The following MED12L variants were observed in gnomAD, a reference collection of about 807,000 sequenced individuals.
MED12L encodes mediator of RNA polymerase II transcription subunit 12-like protein.
A neutral mutation model predicts 281.3 loss-of-function variants in MED12L; 60 were observed. That is an observed-to-expected ratio of 0.21 (90% CI 0.17 to 0.26). The LOEUF is 0.26. MED12L is among the 10% of genes least tolerant of loss of function. MED12L has a pLI of 1.00. For synonymous variants in MED12L, 974 were observed against 987.2 expected (o/e 0.99, Z 0.25); for missense variants, 2,146 against 2,680.9 (o/e 0.80, Z 4.41).
rs539394676 is a variant in MED12L, at chr3:151,422,189, A to G, written c.6408+5767A>G. 3.9e-4 allele frequency among the ~76,000 whole-genome samples: 59 copies of G among 152,346 alleles called. No individual in the cohort carries two copies. In the East Asian group the frequency reaches 4.6e-3, roughly 12 times the overall value. ...TCATAGGAAGTGGCTCAATGGCAGC[A>G]CTGCCTGTGGAAAGTAGTTTACGGT... On this transcript the variant is annotated intron_variant, in intron 43 of 44. Transcript: ENST00000687756.
chr3:151,167,046 A>G (rs907258786), intron 11 of MED12L, among the ~76,000 whole-genome samples: 2 of 152,170 alleles, frequency 1.3e-5, no homozygotes, highest in African/African-American at 4.8e-5. Flanking sequence ...AATCTGCTTT[A>G]CTCAAAGTCT....
rs1162704968 is a variant in MED12L, at chr3:151,127,984, GGTAA to G, written c.556+3_556+6del. 6.2e-7 allele frequency: 1 copy of G among 1,610,672 alleles called. No individual in the cohort carries two copies. The stretch of plus-strand genomic sequence containing the variant: ...ACGTCAGGCTCCTGATCCGAATTTG[GGTAA>G]GTGAGAGAATACAATACACCTTACA... On this transcript the variant is annotated splice_donor_variant and splice_donor_region_variant and intron_variant, in intron 5 of 44. Coordinates refer to ENST00000687756, the MANE Select transcript of MED12L (RefSeq NM_001393769.1). LOFTEE classifies it high-confidence loss of function.
Position 151,382,687 on chromosome 3 carries a change from A to C in MED12L, c.4622A>C (p.Gln1541Pro), listed in dbSNP as rs753742161. The C allele has an allele frequency of 1.2e-6, 2 of 1,612,556 alleles. No homozygotes were observed. Among genetic ancestry groups the C allele is most frequent in the Non-Finnish European group, 1.7e-6 (2 of 1,179,276 alleles). ...AGTAACTGGAGAGAAGAACGATACC[A>C]AGATGACATAAAAGCGCGGCAGATG... is the stretch of plus-strand genomic sequence containing the variant. ...ILSNWREERY[Q>P]DDIKARQMMH... The change falls in exon 33 of 45, where the codon CAA becomes CCA. Residue 1541 changes from glutamine to proline, a missense_variant. Around this residue, in one of 9 missense-constraint regions of MED12L, gnomAD observed 212 missense variants for 340.8 expected, o/e 0.62. Coordinates refer to ENST00000687756, the MANE Select transcript of MED12L (RefSeq NM_001393769.1).
rs144247415 is a variant in MED12L, at chr3:151,376,222, G to A, written c.4053+8G>A. The A allele has an allele frequency of 5.1e-4, 747 of 1,452,314 alleles. 4 individuals are homozygous for A. The East Asian group carries it at 0.01, about 20-fold the overall frequency. The allele number at this position is 1,452,314 out of a possible 1,614,324, so 90.0% of individuals were successfully genotyped here. On this transcript the variant is annotated splice_region_variant and intron_variant, in intron 28 of 44. Coordinates refer to ENST00000687756, the MANE Select transcript of MED12L (RefSeq NM_001393769.1). ...ATTAAGCGTATTCTTCAGGTCAGTC[G>A]TATACAGATTGTGTTTCTGTCATTT... is the stretch of plus-strand genomic sequence containing the variant.
At chr3:151,163,871 A>C (rs760388947) in intron 8 of MED12L, 22 bp from the exon 9 acceptor site, 35 of 1,605,964 alleles carry the variant, frequency 2.2e-5, no homozygotes, top group Non-Finnish European at 2.8e-5. Context: ...TGAACATCCA[A>C]CTTTATCTGT....
At chr3:151,213,428 A>G in intron 16 of MED12L, 2 of 1,614,208 alleles carry the variant, frequency 1.2e-6, no homozygotes, top group Non-Finnish European at 1.7e-6. Flanking sequence ...TGGCATAGAA[A>G]GAAATAAATA....
At chr3:151,188,275 C>T (rs76391037) in intron 12 of MED12L, 79 bp from the exon 13 acceptor site, 43,048 of 1,161,318 alleles carry the variant, frequency 0.037, 2,943 homozygotes, top group African/African-American at 0.23. Flanking sequence ...ACTTAAATGC[C>T]AATAAAAAAT....
Position 151,357,204 on chromosome 3 carries a change from C to T in MED12L, c.2662-9C>T. 6.3e-7 allele frequency: 1 copy of T among 1,583,014 alleles called. No individual in the cohort carries two copies. Among genetic ancestry groups the T allele is most frequent in the Non-Finnish European group, 8.6e-7 (1 of 1,165,772 alleles). On this transcript the variant is annotated splice_polypyrimidine_tract_variant and intron_variant, in intron 19 of 44. Coordinates refer to ENST00000687756, the MANE Select transcript of MED12L (RefSeq NM_001393769.1). ...CTACATGTTTATTCAGTCTTTTCTC[C>T]TGTTACAGTTACTAAATGAACTGAG...
chr3:151,432,534 C>T (rs1719652626), intron 44 of MED12L, among the ~76,000 whole-genome samples: 1 of 152,202 alleles, frequency 6.6e-6, no homozygotes, highest in South Asian at 2.1e-4. Flanking sequence ...ATCCTGCGGC[C>T]TTGCATTGGC....
intron 5 of MED12L, among the ~76,000 whole-genome samples, chr3:151,128,857 A>G (rs1371194449): frequency 2.0e-5 from 3 of 152,210 alleles, no homozygotes; most frequent in Admixed American, 6.5e-5. Context: ...TGTAAGGCCC[A>G]TAAGGGCAGG....
At chr3:151,227,017 G>A (rs2149300887) in intron 16 of MED12L, among the ~76,000 whole-genome samples, 1 of 152,286 alleles carries the variant, frequency 6.6e-6, no homozygotes, top group Admixed American at 6.5e-5. Flanking sequence ...GCTTGCTGCT[G>A]TTTGTCACCT....
In MED12L at chr3:151,389,960, A is replaced by T. The variant is rs777254915; in HGVS notation, c.5452-19A>T. On this transcript the variant is annotated intron_variant, in intron 37 of 44. Transcript: ENST00000687756. ...GATATGTGGAGTTACGTAACTTTTT[A>T]AAAAACTTTATGTTGAAGGAATATC... The T allele has an allele frequency of 4.9e-5, 79 of 1,612,446 alleles. No individual in the cohort carries two copies. Among genetic ancestry groups the T allele is most frequent in the South Asian group, 1.8e-4 (16 of 90,964 alleles).
intron 5 of MED12L, among the ~76,000 whole-genome samples, chr3:151,155,363 A>C (rs969908536): frequency 3.3e-5 from 5 of 152,240 alleles, no homozygotes; most frequent in African/African-American, 1.2e-4. Flanking sequence ...CCCCTGTGGC[A>C]GACATTTTTG....
intron 2 of MED12L, among the ~76,000 whole-genome samples, chr3:151,114,483 A>C (rs1712415808): frequency 6.6e-6 from 1 of 152,216 alleles, no homozygotes; most frequent in African/African-American, 2.4e-5. Flanking sequence ...TTTTGTTCTA[A>C]GCTTCTTGAT....
At position 151,153,132 on chromosome 3, in the gene MED12L, G is replaced by A. The variant is rs76312452; in HGVS notation, c.557-3029G>A. On this transcript the variant is annotated intron_variant, in intron 5 of 44. Coordinates refer to ENST00000687756, the MANE Select transcript of MED12L (RefSeq NM_001393769.1). ...TGTACTACTGTTTTAGCTATGCATC[G>A]GTGACCAAGATCACAGTGCTAATAA... Among the ~76,000 whole-genome samples, 975 of 152,220 alleles carry A rather than the reference G, an allele frequency of 6.4e-3. 8 individuals carry two copies. Among genetic ancestry groups the A allele is most frequent in the Middle Eastern group, 0.048 (14 of 294 alleles).
At chr3:151,271,834 TGA>T (rs1741008910) in intron 16 of MED12L, among the ~76,000 whole-genome samples, 1 of 152,176 alleles carries the variant, frequency 6.6e-6, no homozygotes, top group Admixed American at 6.5e-5. Flanking sequence ...TAAGCTCTAA[TGA>T]GAGAAATTAG....
At chr3:151,279,621 G>A (rs1018332987) in intron 16 of MED12L, among the ~76,000 whole-genome samples, 1 of 152,160 alleles carries the variant, frequency 6.6e-6, no homozygotes, top group African/African-American at 2.4e-5. Context: ...TGATTGAGGG[G>A]CTAAGAATAC....
chr3:151,382,030 T>C (rs1261356308), intron 32 of MED12L, among the ~76,000 whole-genome samples: 1 of 152,178 alleles, frequency 6.6e-6, no homozygotes, highest in Non-Finnish European at 1.5e-5. Flanking sequence ...GATTTTAGGG[T>C]GTTGCCCACT....
chr3:151,390,120 C>G lies in MED12L; in HGVS notation c.5593C>G (p.Gln1865Glu). Residue 1865 changes from glutamine (Q) to glutamate (E), a missense_variant, in exon 38 of 45, where the codon CAA (glutamine) becomes GAA (glutamate). This residue lies in a region of MED12L where 496 missense variants were observed against 512.0 expected (regional missense o/e 0.97). Transcript: ENST00000687756. ...GCAGCCCGGCTTTTTCCTTCAGAAC[C>G]AATCTCTTACTCCAGGTATGTGATG... ...PQQPGFFLQN[Q>E]SLTPGGSRLD... The G allele has an allele frequency of 6.2e-7, 1 of 1,614,044 alleles. No individual in the cohort carries two copies. Among genetic ancestry groups the G allele is most frequent in the Middle Eastern group, 1.7e-4 (1 of 6,060 alleles).
Sources: gnomAD v4.1 joint callset for allele counts (sites outside exome capture counted in the v4.1 genomes callset) on GRCh38, gnomAD v4.1.1 for gene constraint, gnomAD v4.1.1 regional missense constraint, MANE v1.5 for transcripts, NCBI Gene and HGNC (gene_info 2026-07-23, HGNC 2026-07-21) for gene names.